The following TXNRD1 variants were observed in gnomAD, a reference collection of about 807,000 sequenced individuals.
TXNRD1 encodes the protein thioredoxin reductase 1, cytoplasmic.
Under a neutral mutation model 80.3 loss-of-function variants are expected in TXNRD1, and 57 were observed. That is an observed-to-expected ratio of 0.71 (90% CI 0.57 to 0.89). TXNRD1 has a LOEUF of 0.89. Among genes scored for constraint, TXNRD1 ranks in the 40% least tolerant of loss-of-function variants. The pLI, the probability that TXNRD1 is intolerant of heterozygous loss-of-function variation, is 0.00. For synonymous variants in TXNRD1, 291 were observed against 285.2 expected (o/e 1.02, Z -0.20); for missense variants, 730 against 803.0 (o/e 0.91, Z 1.10).
intron 16 of TXNRD1, among the ~76,000 whole-genome samples, chr12:104,343,393 A>C (rs1233338989): frequency 6.6e-6 from 1 of 152,204 alleles, no homozygotes; most frequent in Admixed American, 6.5e-5. Flanking sequence ...TCTTGGTAGC[A>C]ACACGAATGT....
chr12:104,330,490 CT>C (rs1167261918), intron 13 of TXNRD1, among the ~76,000 whole-genome samples: 2 of 152,116 alleles, frequency 1.3e-5, no homozygotes, highest in African/African-American at 4.8e-5. Flanking sequence ...AAGAGTTAAC[CT>C]TTTTTTCCCC....
At chr12:104,262,980 T>C (rs1360486779) in intron 3 of TXNRD1, among the ~76,000 whole-genome samples, 1 of 152,150 alleles carries the variant, frequency 6.6e-6, no homozygotes, top group Non-Finnish European at 1.5e-5. Flanking sequence ...ATTTTCTTCT[T>C]CCTTCTTTTG....
At chr12:104,300,854 C>T (rs934896270) in intron 4 of TXNRD1, among the ~76,000 whole-genome samples, 2 of 152,166 alleles carry the variant, frequency 1.3e-5, no homozygotes, top group Non-Finnish European at 2.9e-5. Flanking sequence ...CCATATTGAT[C>T]AGGCTGGTCT....
chr12:104,318,260 G>C (rs928157779), intron 7 of TXNRD1, among the ~76,000 whole-genome samples: 1 of 152,164 alleles, frequency 6.6e-6, no homozygotes, highest in Admixed American at 6.5e-5. Context: ...TAAGATATGG[G>C]AGTTTGGAGG....
At chr12:104,248,983 AGAGAAATTACAAGC>A (rs2033054364) in intron 1 of TXNRD1, among the ~76,000 whole-genome samples, 1 of 152,348 alleles carries the variant, frequency 6.6e-6, no homozygotes, top group South Asian at 2.1e-4. Flanking sequence ...CCCCGGGCCC[AGAGAAATTACAAGC>A]GAGAAATTAC....
At chr12:104,303,649 T>G (rs2034737175) in intron 4 of TXNRD1, 2 of 419,116 alleles carry the variant, frequency 4.8e-6, no homozygotes, top group Non-Finnish European at 8.4e-6. Context: ...AGCGAGCGCC[T>G]CGGCTTGTGG....
chr12:104,329,560 A>T (rs1250624279), intron 13 of TXNRD1, among the ~76,000 whole-genome samples: 1 of 152,020 alleles, frequency 6.6e-6, no homozygotes, highest in Non-Finnish European at 1.5e-5. Context: ...GAGGTGGAAG[A>T]ATCACCCGAA....
chr12:104,228,004 T>A (rs961489990), intron 1 of TXNRD1, among the ~76,000 whole-genome samples: 8 of 152,082 alleles, frequency 5.3e-5, no homozygotes, highest in South Asian at 2.1e-4. Context: ...ATAAGTTTTT[T>A]AAAAATTGAT....
At chr12:104,297,305 CA>C (rs369240448) in intron 4 of TXNRD1, among the ~76,000 whole-genome samples, 6,696 of 70,982 alleles carry the variant, frequency 0.094, 203 homozygotes, top group African/African-American at 0.12. Context: ...AACTCCATCT[CA>C]AAAAAAAAAA....
chr12:104,327,463 C>T (rs1317230558), intron 12 of TXNRD1, 52 bp from the exon 13 acceptor site: 1 of 1,548,104 alleles, frequency 6.5e-7, no homozygotes, highest in Non-Finnish European at 8.8e-7. Flanking sequence ...ATTTTGTTCT[C>T]CTTAATTAAT....
chr12:104,267,661 C>CTTTCTTTCTTTCTTTCTTTGTTTG (rs1565870077), intron 3 of TXNRD1, among the ~76,000 whole-genome samples: 1 of 32,050 alleles, frequency 3.1e-5, no homozygotes, highest in African/African-American at 1.3e-4. Context: ...TTCTTTCTTT[C>CTTTCTTTCTTTCTTTCTTTGTTTG]TTTCTTTCTT....
chr12:104,265,044 G>C (rs1405936136), intron 3 of TXNRD1, among the ~76,000 whole-genome samples: 2 of 152,124 alleles, frequency 1.3e-5, no homozygotes, highest in African/African-American at 4.8e-5. Flanking sequence ...ATGAGGTCAA[G>C]AGATCAATAC....
At chr12:104,226,593 G>A (rs191742281) in intron 1 of TXNRD1, among the ~76,000 whole-genome samples, 234 of 152,256 alleles carry the variant, frequency 1.5e-3, no homozygotes, top group Non-Finnish European at 2.6e-3. Context: ...TGAAGAGAAC[G>A]GAATTCTAGT....
chr12:104,299,297 G>A (rs2034536907), intron 4 of TXNRD1, among the ~76,000 whole-genome samples: 1 of 151,718 alleles, frequency 6.6e-6, no homozygotes, highest in Admixed American at 6.6e-5. Flanking sequence ...ATACTAATAG[G>A]TAATAGGTCA....
intron 10 of TXNRD1, 85 bp from the exon 11 acceptor site, chr12:104,325,252 T>C (rs1350090223): frequency 1.3e-5 from 13 of 1,002,150 alleles, no homozygotes; most frequent in Non-Finnish European, 1.7e-5. Flanking sequence ...ATTTTAACTT[T>C]GGGTTAACCA....
At chr12:104,286,963 C>T (rs1217051063) in intron 3 of TXNRD1, 3 of 1,224,818 alleles carry the variant, frequency 2.4e-6, no homozygotes. Flanking sequence ...GTTAGCCCGC[C>T]CGCTCGGCGC....
chr12:104,259,863 A>G (rs1333900574), intron 3 of TXNRD1, among the ~76,000 whole-genome samples: 1 of 152,186 alleles, frequency 6.6e-6, no homozygotes, highest in South Asian at 2.1e-4. Flanking sequence ...TTCTAAAGAC[A>G]GGTTCTCTAA....
intron 4 of TXNRD1, chr12:104,304,229 T>A (rs2034782393): frequency 6.2e-7 from 1 of 1,614,010 alleles, no homozygotes; most frequent in Non-Finnish European, 8.5e-7. Flanking sequence ...GGCTTCTGAT[T>A]TGGGTAAAGA....
At chr12:104,238,049 T>A (rs1222432520) in intron 1 of TXNRD1, among the ~76,000 whole-genome samples, 1 of 151,996 alleles carries the variant, frequency 6.6e-6, no homozygotes, top group Non-Finnish European at 1.5e-5. Flanking sequence ...AAATAAACGC[T>A]TAAATAAAAA....
Sources: gnomAD v4.1 joint callset for allele counts (sites outside exome capture counted in the v4.1 genomes callset) on GRCh38, gnomAD v4.1.1 for gene constraint, MANE v1.5 for transcripts, NCBI Gene and HGNC (gene_info 2026-07-23, HGNC 2026-07-21) for gene names.